Variants in RUNX3 observed in about 807,000 individuals in gnomAD.
RUNX3 encodes runt-related transcription factor 3.
RUNX3 carries 10 observed loss-of-function variants against 27.7 expected under a neutral mutation model. That is an observed-to-expected ratio of 0.36 (90% CI 0.22 to 0.61). The LOEUF (loss-of-function observed/expected upper bound fraction) is 0.61. RUNX3 is among the 20% of genes least tolerant of loss of function. The pLI, the probability that RUNX3 is intolerant of heterozygous loss-of-function variation, is 0.72. For missense variants in RUNX3, 469 were observed against 629.5 expected, an observed-to-expected ratio of 0.75 and a Z score of 2.73; for synonymous variants, 270 against 269.2, an observed-to-expected ratio of 1.00 and a Z score of -0.03.
chr1:24,907,383 C>A lies in RUNX3; in HGVS notation c.579G>T (p.Pro193=). Residue 193 remains proline, a synonymous_variant, in exon 4 of 5, where the codon CCG becomes CCT. Coordinates refer to ENST00000308873, the MANE Select transcript of RUNX3 (RefSeq NM_004350.3). Reference sequence around the variant, plus strand: ...CCAGGTCCCCAAAGCGGTCAGGGAACGGCTTGGTCTGGTCCTCCAGCTTCT... The same window carrying A: ...CCAGGTCCCCAAAGCGGTCAGGGAAAGGCTTGGTCTGGTCCTCCAGCTTCT... ...HRQKLEDQTK[P]FPDRFGDLER... 6.2e-7 allele frequency: 1 copy of A among 1,613,832 alleles called. No homozygotes were observed. The highest frequency in any genetic ancestry group is 2.2e-5 in the East Asian group (1 of 44,876).
At position 24,923,283 on chromosome 1, in the gene RUNX3, C is replaced by T. The variant is rs74063010; in HGVS notation, c.440-3939G>A. ...AGAGGGAGGGGCAGGAGTCCTGGAC[C>T]TCGGGAGACAGGGAGCCTGGGGAGC... On this transcript the variant is annotated intron_variant, in intron 2 of 4. Coordinates refer to ENST00000308873, the MANE Select transcript of RUNX3 (RefSeq NM_004350.3). This position sits in a 1 kb window ranked among gnomAD's most constrained non-coding sequence, Gnocchi z 5.9. 0.028 allele frequency among the ~76,000 whole-genome samples: 4,231 copies of T among 152,176 alleles called. 186 individuals carry two copies. Among genetic ancestry groups the T allele is most frequent in the African/African-American group, 0.095 (3,934 of 41,458 alleles).
intron 4 of RUNX3, among the ~76,000 whole-genome samples, chr1:24,905,379 A>G (rs1320088882): frequency 6.6e-6 from 1 of 152,230 alleles, no homozygotes; most frequent in Non-Finnish European, 1.5e-5. Flanking sequence ...TGCAGAGTTC[A>G]TGCTCGCCCT....
At position 24,953,390 on chromosome 1, in the gene RUNX3, G is replaced by C. The variant is rs1034803943; in HGVS notation, c.58+11124C>G. 4.9e-3 allele frequency among the ~76,000 whole-genome samples: 291 copies of C among 59,454 alleles called. 1 individual carries two copies. The highest frequency in any genetic ancestry group is 8.2e-3 in the Non-Finnish European group (243 of 29,734). The allele number at this position is 59,454 out of a possible 152,430, so 39.0% of individuals were successfully genotyped here. ...AAAAAAAAAAAAAAAGAAAAGAAAA[G>C]AAAAGAAAAATGAAAAAAAAAAAAA... On this transcript the variant is annotated intron_variant, in intron 2 of 6. Coordinates refer to the RUNX3 transcript ENST00000338888.
chr1:24,905,445 A>C (rs1320130937), intron 4 of RUNX3, among the ~76,000 whole-genome samples: 1 of 152,194 alleles, frequency 6.6e-6, no homozygotes, highest in African/African-American at 2.4e-5. Context: ...CTGAGGATGG[A>C]GATGCCTGGC....
rs1027112192 is a variant in RUNX3, at chr1:24,904,865, A to C, written c.704-2199T>G. Reference sequence around the variant, plus strand: ...GCTTCCTTGGAGCTCCTGTACCCCCACCCTGCGGCCTCGCAGCCCCAGGAA... The same window carrying C: ...GCTTCCTTGGAGCTCCTGTACCCCCCCCCTGCGGCCTCGCAGCCCCAGGAA... On this transcript the variant is annotated intron_variant, in intron 4 of 4. Transcript: ENST00000308873. The surrounding 1 kb of genome is among the most constrained non-coding windows in gnomAD (Gnocchi z 5.7). Among the ~76,000 whole-genome samples the C allele has an allele frequency of 2.6e-5, 4 of 151,654 alleles. No homozygotes were observed. The highest frequency in any genetic ancestry group is 4.4e-5 in the Non-Finnish European group (3 of 67,910).
intron 2 of RUNX3, among the ~76,000 whole-genome samples, chr1:24,953,518 C>T (rs1462559270): frequency 6.6e-6 from 1 of 151,418 alleles, no homozygotes; most frequent in African/African-American, 2.4e-5. Flanking sequence ...ATAAAAAATT[C>T]AGTTCCTCAG....
At chr1:24,938,038 G>T (rs1419277681) in intron 2 of RUNX3, among the ~76,000 whole-genome samples, 5 of 152,230 alleles carry the variant, frequency 3.3e-5, no homozygotes, top group Admixed American at 3.3e-4. Flanking sequence ...AGTTGGATCT[G>T]GCACCTTGAT....
At chr1:24,946,574 C>T (rs1462062239) in intron 2 of RUNX3, among the ~76,000 whole-genome samples, 2 of 152,118 alleles carry the variant, frequency 1.3e-5, no homozygotes, top group African/African-American at 2.4e-5. Context: ...AAAGCCCATT[C>T]CCCCCCTACT....
chr1:24,949,917 T>C (rs1417446281), intron 2 of RUNX3, among the ~76,000 whole-genome samples: 2 of 152,186 alleles, frequency 1.3e-5, no homozygotes, highest in East Asian at 1.9e-4. Flanking sequence ...GGGGCTTCCA[T>C]GTCCCAGGGT....
chr1:24,905,606 T>C (rs1448476238), intron 4 of RUNX3, among the ~76,000 whole-genome samples: 1 of 152,226 alleles, frequency 6.6e-6, no homozygotes, highest in Admixed American at 6.5e-5. Context: ...GTGCCTGCCG[T>C]GGGGCCAGGC....
chr1:24,931,763 C>T (rs903012684), upstream of RUNX3, among the ~76,000 whole-genome samples: 1 of 152,212 alleles, frequency 6.6e-6, no homozygotes, highest in Non-Finnish European at 1.5e-5. Context: ...TCTGGACTCA[C>T]CCCGACCACC....
chr1:24,964,645 T>C (rs189286863), exon 2 of RUNX3: 1 of 1,545,918 alleles, frequency 6.5e-7, no homozygotes, highest in Non-Finnish European at 8.8e-7. Flanking sequence ...TTGGCTGTTG[T>C]TTTATTTTTT....
At chr1:24,929,030 C>T (rs1641155345) in intron 1 of RUNX3, 1 of 457,036 alleles carries the variant, frequency 2.2e-6, no homozygotes, top group Middle Eastern at 3.3e-4. Context: ...GTCCCCCAAT[C>T]TCAACTCGCC....
intron 2 of RUNX3, among the ~76,000 whole-genome samples, chr1:24,955,009 A>C (rs1641879347): frequency 6.6e-6 from 1 of 151,884 alleles, no homozygotes; most frequent in Non-Finnish European, 1.5e-5. Context: ...CCTCTCCCTC[A>C]AGCCCTCCAC....
intron 2 of RUNX3, among the ~76,000 whole-genome samples, chr1:24,924,261 C>T (rs1291016345): frequency 1.3e-5 from 2 of 151,998 alleles, no homozygotes; most frequent in Admixed American, 6.6e-5. Context: ...CCTATAGTCC[C>T]AGCTATTGAG....
At chr1:24,957,109 T>C (rs1446546718) in intron 2 of RUNX3, among the ~76,000 whole-genome samples, 1 of 152,244 alleles carries the variant, frequency 6.6e-6, no homozygotes, top group Non-Finnish European at 1.5e-5. Context: ...GCGTCTGCCC[T>C]TTCCGCCCAC....
chr1:24,923,900 C>T lies in RUNX3; in HGVS notation c.439+3674G>A, dbSNP rs967226347. Among the ~76,000 whole-genome samples, 10 of 152,138 alleles carry T rather than the reference C, an allele frequency of 6.6e-5. No homozygotes were observed. Among genetic ancestry groups the T allele is most frequent in the South Asian group, 2.1e-4 (1 of 4,828 alleles). On this transcript the variant is annotated intron_variant, in intron 2 of 4. Transcript: ENST00000308873. The surrounding 1 kb of genome is among the most constrained non-coding windows in gnomAD (Gnocchi z 5.9). ...TTTCATTTTCACTTAGGCCAGTGGC[C>T]GCCTGCTAGAGGGGCATTTTTGGGA... is the stretch of plus-strand genomic sequence containing the variant.
chr1:24,964,411 G>T (rs1394939997), intron 2 of RUNX3: 2 of 908,206 alleles, frequency 2.2e-6, no homozygotes, highest in African/African-American at 1.6e-5. Context: ...GATTTAGGCG[G>T]ACAGGCTGTG....
In RUNX3 at chr1:24,927,773, A is replaced by G. The variant is rs1352021265; in HGVS notation, c.283-43T>C. 2 of 1,561,848 alleles carry G rather than the reference A, an allele frequency of 1.3e-6. No individual in the cohort carries two copies. The highest frequency in any genetic ancestry group is 2.2e-5 in the South Asian group (2 of 90,330). On this transcript the variant is annotated intron_variant, in intron 1 of 4. Coordinates refer to ENST00000308873, the MANE Select transcript of RUNX3 (RefSeq NM_004350.3). This position sits in a 1 kb window ranked among gnomAD's most constrained non-coding sequence, Gnocchi z 5.0. ...GGGGATGCAGGGGGACAGCTTAGAAAGGAAGAGGGTGACCAGGGAAAGGAG... is the reference window on the plus strand; with the variant it reads ...GGGGATGCAGGGGGACAGCTTAGAAGGGAAGAGGGTGACCAGGGAAAGGAG...
Sources: gnomAD v4.1 joint callset for allele counts (sites outside exome capture counted in the v4.1 genomes callset) on GRCh38, gnomAD v4.1.1 for gene constraint, Gnocchi (gnomAD v3.1) non-coding constraint, MANE v1.5 for transcripts, NCBI Gene and HGNC (gene_info 2026-07-23, HGNC 2026-07-21) for gene names.